PLEKHG1: variants seen among roughly 807,000 people sequenced by gnomAD.
PLEKHG1 encodes the protein pleckstrin homology domain-containing family G member 1.
In PLEKHG1, 44 loss-of-function variants were observed where a neutral mutation model predicts 100.8. That is an observed-to-expected ratio of 0.44 (90% confidence interval 0.34 to 0.56). The LOEUF is 0.56. Ranked by LOEUF, PLEKHG1 falls within the 20% of genes least tolerant of loss-of-function variation. The pLI, the probability that PLEKHG1 is intolerant of heterozygous loss-of-function variation, is 0.01. For synonymous variants in PLEKHG1, 640 were observed against 662.5 expected, an observed-to-expected ratio of 0.97 and a Z score of 0.52; for missense variants, 1,545 against 1,720.9, an observed-to-expected ratio of 0.90 and a Z score of 1.81.
At chr6:150,813,591 A>G (rs1290974854) in intron 10 of PLEKHG1, among the ~76,000 whole-genome samples, 1 of 152,154 alleles carries the variant, frequency 6.6e-6, no homozygotes, top group Non-Finnish European at 1.5e-5. Context: ...CTGAGTGAAG[A>G]GGAAAACCAG....
chr6:150,631,028 C>A (rs1317380594), intron 1 of PLEKHG1, among the ~76,000 whole-genome samples: 3 of 152,152 alleles, frequency 2.0e-5, no homozygotes, highest in African/African-American at 7.2e-5. Context: ...GGGCCAAAGT[C>A]TGATGATCCT....
intron 3 of PLEKHG1, among the ~76,000 whole-genome samples, chr6:150,780,002 C>T (rs528717986): frequency 6.6e-6 from 1 of 151,842 alleles, no homozygotes; most frequent in South Asian, 2.1e-4. Context: ...AGTCCGCTCA[C>T]AGTTCTTCTC....
chr6:150,610,993 C>G (rs1332222426), intron 1 of PLEKHG1, among the ~76,000 whole-genome samples: 2 of 152,166 alleles, frequency 1.3e-5, no homozygotes, highest in African/African-American at 4.8e-5. Context: ...CTATTCCAAG[C>G]CTGCAAACGT....
intron 1 of PLEKHG1, among the ~76,000 whole-genome samples, chr6:150,615,290 A>G (rs987496692): frequency 1.3e-4 from 20 of 152,304 alleles, no homozygotes; most frequent in African/African-American, 4.6e-4. Flanking sequence ...TGGATAACCT[A>G]TAACCTCAGC....
chr6:150,804,528 A>C, intron 6 of PLEKHG1, 82 bp from the exon 8 acceptor site: 1 of 1,137,066 alleles, frequency 8.8e-7, no homozygotes, highest in Non-Finnish European at 1.3e-6. Context: ...ATAAGGAACT[A>C]ATCATAGCGG....
chr6:150,682,514 G>T (rs1779970555), intron 3 of PLEKHG1, among the ~76,000 whole-genome samples: 1 of 152,008 alleles, frequency 6.6e-6, no homozygotes, highest in South Asian at 2.1e-4. Context: ...GTTCTGCCCA[G>T]TTTGAGAATT....
chr6:150,771,025 C>T (rs1205011353), intron 3 of PLEKHG1, among the ~76,000 whole-genome samples: 1 of 152,188 alleles, frequency 6.6e-6, no homozygotes, highest in Admixed American at 6.5e-5. Flanking sequence ...CAGAGTGGAG[C>T]CCTGCTTCTC....
chr6:150,685,830 G>C (rs1372525853), intron 3 of PLEKHG1, among the ~76,000 whole-genome samples: 2 of 152,108 alleles, frequency 1.3e-5, no homozygotes, highest in Admixed American at 1.3e-4. Flanking sequence ...AATTAAATAA[G>C]ATGTAACTAG....
At chr6:150,789,684 G>A (rs1354558870) in intron 4 of PLEKHG1, among the ~76,000 whole-genome samples, 1 of 152,200 alleles carries the variant, frequency 6.6e-6, no homozygotes, top group African/African-American at 2.4e-5. Flanking sequence ...TGTAAGGAAA[G>A]TCAACTTGAT....
At chr6:150,827,277 C>CT (rs759695142) in intron 14 of PLEKHG1, among the ~76,000 whole-genome samples, 1,617 of 130,362 alleles carry the variant, frequency 0.012, 17 homozygotes, top group South Asian at 0.032. Flanking sequence ...AAACTGCTTT[C>CT]TTTTTTTTTT....
rs1257363893 is a variant in PLEKHG1, at chr6:150,779,344, G to GTTTGT, written c.513-7043_513-7042insGTTTT. ...ACAGGGGGTTAAATATTGTCAAGAA[G>GTTTGT]TTTTTTTTTTTTTTTTTTTGAGACA... On this transcript the variant is annotated intron_variant, in intron 3 of 15. Transcript: ENST00000358517. Among the ~76,000 whole-genome samples the GTTTGT allele has an allele frequency of 2.5e-4, 26 of 104,540 alleles. 3 individuals carry two copies. Among genetic ancestry groups the GTTTGT allele is most frequent in the Admixed American group, 5.3e-4 (5 of 9,422 alleles). The allele number at this position is 104,540 out of a possible 152,430, so 68.6% of individuals were successfully genotyped here.
chr6:150,800,732 C>T (rs539046338), exon 6 of PLEKHG1: 4 of 1,613,874 alleles, frequency 2.5e-6, no homozygotes, highest in Admixed American at 1.7e-5. Flanking sequence ...CGTGGCTGTG[C>T]TAACAGAGTG....
rs144390412 is a variant in PLEKHG1 at position 150,653,785 on chromosome 6, A to T, written c.-99+2999A>T. On this transcript the variant is annotated intron_variant, in intron 3 of 3. Coordinates refer to the PLEKHG1 transcript ENST00000367326. ...GTAAATATTTTCTTTTTTAGAAATG[A>T]TCTTCTCTGTAAATGAGTCCATAGA... Among the ~76,000 whole-genome samples the T allele has an allele frequency of 3.3e-5, 5 of 152,256 alleles. No individual in the cohort carries two copies. The East Asian group carries it at 9.6e-4, about 29-fold the overall frequency.
At chr6:150,614,205 TAACA>T (rs915614593) in intron 1 of PLEKHG1, among the ~76,000 whole-genome samples, 15 of 152,214 alleles carry the variant, frequency 9.9e-5, no homozygotes, top group African/African-American at 3.6e-4. Flanking sequence ...GCTGTAGAGC[TAACA>T]CCTTTAGAGC....
At chr6:150,680,234 G>A (rs934965523) in intron 3 of PLEKHG1, among the ~76,000 whole-genome samples, 1 of 152,186 alleles carries the variant, frequency 6.6e-6, no homozygotes, top group African/African-American at 2.4e-5. Flanking sequence ...ATGGAGAAAA[G>A]GAAGTGACAT....
chr6:150,799,324 T>A (rs567541881), intron 5 of PLEKHG1, among the ~76,000 whole-genome samples: 1 of 152,214 alleles, frequency 6.6e-6, no homozygotes, highest in Admixed American at 6.5e-5. Flanking sequence ...TGTCTGGTGA[T>A]ATTAAATGTC....
chr6:150,786,708 G>C (rs901280671), intron 4 of PLEKHG1, among the ~76,000 whole-genome samples: 1 of 152,056 alleles, frequency 6.6e-6, no homozygotes, highest in African/African-American at 2.4e-5. Flanking sequence ...CTTAAAGCTT[G>C]GGAGGGGAGA....
intron 7 of PLEKHG1, 31 bp downstream of exon 8, chr6:150,804,772 G>A (rs768334279): frequency 2.5e-6 from 4 of 1,608,356 alleles, no homozygotes; most frequent in Non-Finnish European, 3.4e-6. Flanking sequence ...TGCCCGGCAG[G>A]GTTGCAGGTG....
At chr6:150,821,861 G>A (rs1220321273) in intron 13 of PLEKHG1, among the ~76,000 whole-genome samples, 14 of 148,832 alleles carry the variant, frequency 9.4e-5, no homozygotes, top group African/African-American at 3.2e-4. Flanking sequence ...TATTTTTTGA[G>A]ACAGAGTCTT....
Sources: allele counts gnomAD v4.1 joint callset (sites outside exome capture counted in the v4.1 genomes callset), GRCh38; gene constraint gnomAD v4.1.1; transcripts MANE v1.5; gene names NCBI Gene and HGNC (gene_info 2026-07-23, HGNC 2026-07-21).